Variants in FNBP1 observed in about 807,000 individuals in gnomAD.
FNBP1 encodes formin-binding protein 1.
In FNBP1, 26 loss-of-function variants were observed where a neutral mutation model predicts 90.6. That is an observed-to-expected ratio of 0.29 (90% CI 0.21 to 0.40). The LOEUF is 0.40. Among genes scored for constraint, FNBP1 ranks in the 10% least tolerant of loss-of-function variants. The pLI is 1.00. For synonymous variants in FNBP1, 260 were observed against 265.2 expected, an observed-to-expected ratio of 0.98 and a Z score of 0.19; for missense variants, 635 against 768.0, an observed-to-expected ratio of 0.83 and a Z score of 2.05.
intron 2 of FNBP1, among the ~76,000 whole-genome samples, chr9:129,986,785 G>A (rs6478936): frequency 0.84 from 127,638 of 151,816 alleles, 54,172 homozygotes; most frequent in East Asian, 0.89. Context: ...GCGAGATGCC[G>A]TCTCAAGAAA....
intron 11 of FNBP1, among the ~76,000 whole-genome samples, chr9:129,913,907 G>T (rs751604365): frequency 7.3e-5 from 11 of 151,050 alleles, no homozygotes; most frequent in Non-Finnish European, 1.5e-4. Flanking sequence ...TTGAGACAGG[G>T]TTTCATTCTA....
At chr9:129,895,237 C>T in intron 16 of FNBP1, 1 of 1,047,860 alleles carries the variant, frequency 9.5e-7, no homozygotes, top group Non-Finnish European at 1.2e-6. Context: ...AGGATGCTGA[C>T]CAGGTTTAAG....
At chr9:129,985,838 T>C (rs2131073778) in intron 2 of FNBP1, among the ~76,000 whole-genome samples, 1 of 152,220 alleles carries the variant, frequency 6.6e-6, no homozygotes, top group African/African-American at 2.4e-5. Flanking sequence ...GGCACATGCC[T>C]GTAATCCCAG....
rs897258786 is a variant in FNBP1 at position 130,023,205 on chromosome 9, G to GA, written c.24+19746dup. Among the ~76,000 whole-genome samples, 311 of 146,762 alleles carry GA rather than the reference G, an allele frequency of 2.1e-3. 1 individual carries two copies. The highest frequency in any genetic ancestry group is 5.7e-3 in the African/African-American group (228 of 40,204). On this transcript the variant is annotated intron_variant, in intron 1 of 16. Coordinates refer to ENST00000446176, the MANE Select transcript of FNBP1 (RefSeq NM_015033.3). ...AGTTATGGTGGTTGCCTCCAGGGAA[G>GA]AAAAAAAAAAATCCCCTAATGACTG...
chr9:130,042,555 C>G lies in FNBP1; in HGVS notation c.24+397G>C, dbSNP rs940760589. Among the ~76,000 whole-genome samples, 2 of 151,790 alleles carry G rather than the reference C, an allele frequency of 1.3e-5. No individual in the cohort carries two copies. ...ACTCGCGGCCGGGGCGCCCCGAGAC[C>G]CAACGCAGCGCCGCGCAGCCGGGGC... is the stretch of plus-strand genomic sequence containing the variant. On this transcript the variant is annotated intron_variant, in intron 1 of 16. Transcript: ENST00000446176. The surrounding 1 kb of genome is among the most constrained non-coding windows in gnomAD (Gnocchi z 5.5).
chr9:129,918,533 C>G (rs2040601602), intron 10 of FNBP1, among the ~76,000 whole-genome samples: 5 of 152,180 alleles, frequency 3.3e-5, no homozygotes, highest in African/African-American at 1.2e-4. Flanking sequence ...TGGACAGTCA[C>G]AGTACTAACC....
At chr9:130,007,735 G>A (rs1215904130) in intron 1 of FNBP1, among the ~76,000 whole-genome samples, 1 of 152,128 alleles carries the variant, frequency 6.6e-6, no homozygotes, top group Non-Finnish European at 1.5e-5. Flanking sequence ...AAGATTTTAA[G>A]GCCGGCGTGG....
At chr9:129,902,789 T>C in intron 13 of FNBP1, 80 bp downstream of exon 13, 1 of 1,446,202 alleles carries the variant, frequency 6.9e-7, no homozygotes, top group Non-Finnish European at 9.5e-7. Flanking sequence ...GAGAGGATCG[T>C]CAGGGCCCCA....
chr9:130,046,618 A>T (rs2060061784), upstream of FNBP1, among the ~76,000 whole-genome samples: 1 of 150,118 alleles, frequency 6.7e-6, no homozygotes, highest in South Asian at 2.1e-4. Flanking sequence ...CAAAAAAAAA[A>T]TTAGCCCAGT....
intron 4 of FNBP1, among the ~76,000 whole-genome samples, chr9:129,960,522 T>C (rs949066332): frequency 1.3e-5 from 2 of 152,076 alleles, no homozygotes; most frequent in African/African-American, 4.8e-5. Flanking sequence ...TAAAGATAAA[T>C]TTCCCTCCTG....
At chr9:129,907,749 G>A (rs2038412358) in intron 12 of FNBP1, among the ~76,000 whole-genome samples, 2 of 152,076 alleles carry the variant, frequency 1.3e-5, no homozygotes, top group African/African-American at 4.8e-5. Flanking sequence ...TTTGTTTTGA[G>A]ACAGAGTCTC....
rs949632953 is a variant in FNBP1 at position 129,954,116 on chromosome 9, T to C, written c.513+3244A>G. Among the ~76,000 whole-genome samples the C allele has an allele frequency of 2.6e-5, 4 of 151,878 alleles. No homozygotes were observed. The South Asian group carries it at 6.2e-4, about 24-fold the overall frequency. Reference sequence around the variant, plus strand: ...TATTAAAAAAGGTATTAGGAGTAAATAGGGGAGATATATGCAGCAAAAATT... The same window carrying C: ...TATTAAAAAAGGTATTAGGAGTAAACAGGGGAGATATATGCAGCAAAAATT... On this transcript the variant is annotated intron_variant, in intron 6 of 16. Coordinates refer to ENST00000446176, the MANE Select transcript of FNBP1 (RefSeq NM_015033.3).
Position 129,890,190 on chromosome 9 carries a change from G to A in FNBP1, c.*349C>T, listed in dbSNP as rs2034975755. The A allele has an allele frequency of 1.6e-5, 7 of 434,798 alleles. No homozygotes were observed. In the Admixed American group the frequency reaches 1.7e-4, roughly 10 times the overall value. The allele number at this position is 434,798 out of a possible 1,614,324, so 26.9% of individuals were successfully genotyped here. A position where few individuals can be genotyped will look rare whatever the true frequency, so the allele number is the denominator to read the frequency against. ...TCACAAAAGGCACTGTGTGAAGCGCGGAAGGGCTGCCAGGACGAGCCCGGG... is the reference window on the plus strand; with the variant it reads ...TCACAAAAGGCACTGTGTGAAGCGCAGAAGGGCTGCCAGGACGAGCCCGGG... On this transcript the variant is annotated 3_prime_UTR_variant, in exon 17 of 17. Transcript: ENST00000446176. This position sits in a 1 kb window ranked among gnomAD's most constrained non-coding sequence, Gnocchi z 5.8.
chr9:130,046,546 C>T (rs575075973), upstream of FNBP1, among the ~76,000 whole-genome samples: 1 of 122,550 alleles, frequency 8.2e-6, no homozygotes, highest in Admixed American at 1.0e-4. Flanking sequence ...CCAGCCTAGC[C>T]AACATAGTGA....
At chr9:129,954,060 TA>T (rs1388848692) in intron 6 of FNBP1, among the ~76,000 whole-genome samples, 3 of 151,720 alleles carry the variant, frequency 2.0e-5, no homozygotes, top group Middle Eastern at 3.4e-3. Flanking sequence ...AATAATTTCT[TA>T]AAAAACGTAT....
chr9:130,009,379 G>A (rs1319088869), intron 1 of FNBP1, among the ~76,000 whole-genome samples: 1 of 152,108 alleles, frequency 6.6e-6, no homozygotes, highest in Non-Finnish European at 1.5e-5. Flanking sequence ...TTGCTAAGAG[G>A]GGCTGGACGC....
chr9:130,053,773 A>G, the FNBP1 span: 17 of 666,952 alleles, frequency 2.5e-5, 1 homozygote, highest in South Asian at 2.8e-4. Flanking sequence ...TGGGCAGCAC[A>G]GGCTCCTCGA....
intron 4 of FNBP1, among the ~76,000 whole-genome samples, chr9:129,961,166 A>T (rs980375801): frequency 4.6e-5 from 7 of 151,738 alleles, no homozygotes; most frequent in African/African-American, 1.7e-4. Context: ...TACAAAAAGT[A>T]GCCAGGCATG....
chr9:129,965,301 G>A (rs2048386674), intron 4 of FNBP1, among the ~76,000 whole-genome samples: 1 of 152,172 alleles, frequency 6.6e-6, no homozygotes, highest in South Asian at 2.1e-4. Context: ...TTTATCCATA[G>A]TAAAAATACC....
Sources: allele counts gnomAD v4.1 joint callset (sites outside exome capture counted in the v4.1 genomes callset), GRCh38; gene constraint gnomAD v4.1.1; non-coding constraint Gnocchi (gnomAD v3.1); transcripts MANE v1.5; gene names NCBI Gene and HGNC (gene_info 2026-07-23, HGNC 2026-07-21).